Variants in NAV3 observed in about 807,000 individuals in gnomAD.
NAV3 encodes pore membrane and/or filament interacting like protein 1.
Under a neutral mutation model 244.7 loss-of-function variants are expected in NAV3, and 87 were observed. That is an observed-to-expected ratio of 0.36 (90% CI 0.30 to 0.42). NAV3 has a LOEUF of 0.42. NAV3 is among the 20% of genes least tolerant of loss of function. NAV3 has a pLI of 1.00. For missense variants in NAV3, 2,663 were observed against 2,893.3 expected (o/e 0.92, Z 1.83); for synonymous variants, 1,126 against 1,042.2 (o/e 1.08, Z -1.55).
chr12:78,101,470 C>T (rs1003718263), intron 12 of NAV3, among the ~76,000 whole-genome samples: 6 of 152,110 alleles, frequency 3.9e-5, no homozygotes, highest in African/African-American at 1.4e-4. Flanking sequence ...CTATAAAAAT[C>T]ATTACATATA....
chr12:78,048,724 C>T (rs1882258359), intron 9 of NAV3, among the ~76,000 whole-genome samples: 2 of 152,206 alleles, frequency 1.3e-5, no homozygotes, highest in African/African-American at 4.8e-5. Flanking sequence ...GGCTGTCTGT[C>T]CCTTAGCGGA....
At chr12:77,790,633 C>G (rs1871137541) in intron 2 of NAV3, among the ~76,000 whole-genome samples, 1 of 152,134 alleles carries the variant, frequency 6.6e-6, no homozygotes, top group South Asian at 2.1e-4. Flanking sequence ...ACTAGGACTT[C>G]TCTTAACTCT....
At position 78,119,292 on chromosome 12, in the gene NAV3, A is replaced by G. The variant is rs763547250; in HGVS notation, c.3096A>G (p.Ser1032=). 14 of 1,614,110 alleles carry G rather than the reference A, an allele frequency of 8.7e-6. No homozygotes were observed. The South Asian group carries it at 1.1e-4, about 13-fold the overall frequency. Residue 1032 remains serine, a synonymous_variant, in exon 15 of 40, where the codon TCA becomes TCG. Transcript: ENST00000397909. ...SEKGKAPLKG[S]SLQRSPSDAG... ...AAGGAAAAGCTCCCCTAAAAGGATC[A>G]TCTCTACAAAGATCTCCTTCAGATG...
At chr12:77,969,062 A>C (rs1245762636) in intron 5 of NAV3, among the ~76,000 whole-genome samples, 1 of 151,914 alleles carries the variant, frequency 6.6e-6, no homozygotes, top group Non-Finnish European at 1.5e-5. Flanking sequence ...TTTCATTGAT[A>C]TTTTTGATTA....
chr12:78,037,100 G>A, intron 9 of NAV3: 1 of 703,026 alleles, frequency 1.4e-6, no homozygotes, highest in South Asian at 1.5e-5. Context: ...TGCAGTCCCT[G>A]TATCACACCA....
At chr12:77,890,788 T>C (rs1053896604) in intron 1 of NAV3, among the ~76,000 whole-genome samples, 3 of 152,238 alleles carry the variant, frequency 2.0e-5, no homozygotes, top group African/African-American at 7.2e-5. Context: ...TCATTGAATA[T>C]GTGTAAACAT....
At chr12:77,776,781 GA>G (rs1311014554) in intron 2 of NAV3, among the ~76,000 whole-genome samples, 1 of 152,180 alleles carries the variant, frequency 6.6e-6, no homozygotes, top group Non-Finnish European at 1.5e-5. Context: ...GGGAGTTTGA[GA>G]CCAGCCTGAC....
intron 30 of NAV3, 100 bp downstream of exon 30, chr12:78,181,145 A>G (rs544397171): frequency 1.9e-6 from 2 of 1,074,940 alleles, no homozygotes; most frequent in Admixed American, 4.6e-5. Flanking sequence ...TAAAAATGTT[A>G]CACTCTAATT....
intron 29 of NAV3, 134 bp from the exon 30 acceptor site, chr12:78,180,737 T>A: frequency 1.4e-6 from 1 of 720,824 alleles, no homozygotes; most frequent in Non-Finnish European, 2.2e-6. Context: ...CTATTTCATA[T>A]CTTATATTTC....
chr12:78,141,902 T>C (rs1956631443), intron 20 of NAV3, among the ~76,000 whole-genome samples: 1 of 152,114 alleles, frequency 6.6e-6, no homozygotes, highest in African/African-American at 2.4e-5. Context: ...AGATGTAGCA[T>C]CATTATTATT....
intron 2 of NAV3, among the ~76,000 whole-genome samples, chr12:77,812,384 CTG>C (rs1872327678): frequency 6.6e-6 from 1 of 151,970 alleles, no homozygotes; most frequent in Non-Finnish European, 1.5e-5. Context: ...CAATGAAAAA[CTG>C]AGGAATTTCA....
chr12:77,590,444 G>T (rs190895079), intron 2 of NAV3, among the ~76,000 whole-genome samples: 1 of 152,290 alleles, frequency 6.6e-6, no homozygotes, highest in Admixed American at 6.5e-5. Flanking sequence ...GTTCTCACTT[G>T]TAAGTGGAGC....
chr12:78,146,457 T>A, intron 21 of NAV3, 65 bp downstream of exon 21: 1 of 691,200 alleles, frequency 1.4e-6, no homozygotes, highest in South Asian at 4.0e-5. Context: ...ATGAAATTAG[T>A]CTTGTGACCA....
intron 37 of NAV3, 123 bp downstream of exon 37, chr12:78,199,654 T>A (rs891237181): frequency 1.9e-5 from 12 of 631,124 alleles, no homozygotes; most frequent in Non-Finnish European, 2.9e-5. Flanking sequence ...CAAAGATTTA[T>A]TTTTTTCCCT....
In NAV3 at chr12:78,199,461, T is replaced by C; in HGVS notation, c.6645T>C (p.Asp2215=). 6.2e-7 allele frequency: 1 copy of C among 1,610,456 alleles called. No homozygotes were observed. The highest frequency in any genetic ancestry group is 8.5e-7 in the Non-Finnish European group (1 of 1,178,462). The stretch of plus-strand genomic sequence containing the variant: ...ATAATGACCTAGTCAAAATTATAGA[T>C]TGGATTCCGAAGACGTGGCATCATC... ...IRNNDLVKII[D]WIPKTWHHLN... is the part of the protein sequence containing the mutation. The change falls in exon 37 of 40, where the codon GAT becomes GAC. Residue 2215 remains aspartate, a synonymous_variant. Transcript: ENST00000397909.
chr12:77,590,625 C>T (rs1869862399), intron 2 of NAV3, among the ~76,000 whole-genome samples: 1 of 152,150 alleles, frequency 6.6e-6, no homozygotes, highest in Admixed American at 6.5e-5. Context: ...ATAAGTTTAC[C>T]TGTGTAACAA....
chr12:78,061,589 A>G (rs1274848108), intron 12 of NAV3, among the ~76,000 whole-genome samples: 3 of 152,112 alleles, frequency 2.0e-5, no homozygotes, highest in African/African-American at 4.8e-5. Flanking sequence ...AAAATTACAG[A>G]TAAGTCTGAA....
At chr12:78,191,918 G>A (rs1959000236) in intron 34 of NAV3, among the ~76,000 whole-genome samples, 1 of 152,054 alleles carries the variant, frequency 6.6e-6, no homozygotes, top group Non-Finnish European at 1.5e-5. Context: ...TAGAAAATAA[G>A]AGCAAAATAG....
intron 3 of NAV3, among the ~76,000 whole-genome samples, chr12:77,964,078 C>A (rs1039365712): frequency 8.9e-5 from 13 of 145,578 alleles, no homozygotes; most frequent in African/African-American, 2.5e-5. Flanking sequence ...TTCTCCTTTT[C>A]TTCTTCTTCT....
Sources: allele counts gnomAD v4.1 joint callset (sites outside exome capture counted in the v4.1 genomes callset), GRCh38; gene constraint gnomAD v4.1.1; transcripts MANE v1.5; gene names NCBI Gene and HGNC (gene_info 2026-07-23, HGNC 2026-07-21).